CNR2: variants seen among roughly 807,000 people sequenced by gnomAD.
CNR2 encodes cannabinoid receptor 2 (macrophage).
For synonymous variants in CNR2, 172 were observed against 182.2 expected (o/e 0.94, Z 0.45); for missense variants, 379 against 439.9 (o/e 0.86, Z 1.24).
At chr1:23,908,065 C>T (rs576097248) in intron 1 of CNR2, among the ~76,000 whole-genome samples, 1 of 142,204 alleles carries the variant, frequency 7.0e-6, no homozygotes, top group Non-Finnish European at 1.5e-5. Flanking sequence ...ACTGCAACCT[C>T]CGGCTCTCTG....
chr1:23,904,994 C>T (rs142787020), intron 1 of CNR2, among the ~76,000 whole-genome samples: 7 of 152,064 alleles, frequency 4.6e-5, no homozygotes, highest in African/African-American at 1.4e-4. Flanking sequence ...TTGCATCAGT[C>T]GGGGGTTGAG....
chr1:23,885,177 A>T (rs988709722), intron 1 of CNR2, among the ~76,000 whole-genome samples: 1 of 151,504 alleles, frequency 6.6e-6, no homozygotes. Context: ...AAATGGGAGG[A>T]TCCCTTGAGC....
intron 1 of CNR2, among the ~76,000 whole-genome samples, chr1:23,901,044 T>TC (rs1185384314): frequency 1.3e-5 from 2 of 151,656 alleles, no homozygotes; most frequent in Non-Finnish European, 2.9e-5. Context: ...CTCTTTCTTT[T>TC]TTTAATTGTA....
chr1:23,880,120 A>T (rs919408324), intron 1 of CNR2, among the ~76,000 whole-genome samples: 4 of 151,276 alleles, frequency 2.6e-5, no homozygotes, highest in Non-Finnish European at 5.9e-5. Flanking sequence ...CCCAGATCTT[A>T]CTTTTTCAAT....
At chr1:23,899,651 C>G (rs1346830964) in intron 1 of CNR2, among the ~76,000 whole-genome samples, 1 of 148,534 alleles carries the variant, frequency 6.7e-6, no homozygotes, top group African/African-American at 2.5e-5. Flanking sequence ...TCCGCCTCCA[C>G]TAAAAATACA....
intron 1 of CNR2, among the ~76,000 whole-genome samples, chr1:23,880,195 T>TTTTTTTTTTTG (rs59735146): frequency 6.6e-6 from 1 of 150,666 alleles, no homozygotes; most frequent in African/African-American, 2.4e-5. Context: ...CTTTTTTTTT[T>TTTTTTTTTTTG]GAGACGGAGT....
At chr1:23,899,549 T>A (rs1292971110) in intron 1 of CNR2, among the ~76,000 whole-genome samples, 1 of 151,276 alleles carries the variant, frequency 6.6e-6, no homozygotes, top group African/African-American at 2.4e-5. Flanking sequence ...GGTGTGGTAG[T>A]TCACGCCTGT....
rs1639861682 is a variant in CNR2 at position 23,875,614 on chromosome 1, C to T, written c.4G>A (p.Glu2Lys). M[E>K]ECWVTEIANG... ...GCTATCTCTGTCACCCAGCATTCCT[C>T]CATGGGGTGGGCCCTTCAGATTCCA... Residue 2 changes from glutamate (E) to lysine (K), a missense_variant, in exon 2 of 2, where the codon GAG becomes AAG. Glu to Lys is a moderately conservative substitution (Grantham distance 56). Coordinates refer to ENST00000374472, the MANE Select transcript of CNR2 (RefSeq NM_001841.3). 6.3e-7 allele frequency: 1 copy of T among 1,597,420 alleles called. No individual in the cohort carries two copies. The highest frequency in any genetic ancestry group is 1.3e-5 in the African/African-American group (1 of 74,752).
chr1:23,882,323 T>G (rs982011847), intron 1 of CNR2, among the ~76,000 whole-genome samples: 2 of 152,076 alleles, frequency 1.3e-5, no homozygotes, highest in Non-Finnish European at 2.9e-5. Context: ...CTCAAACCTA[T>G]GATGACATTG....
chr1:23,905,740 C>T (rs527424718), intron 1 of CNR2, among the ~76,000 whole-genome samples: 1 of 152,208 alleles, frequency 6.6e-6, no homozygotes, highest in African/African-American at 2.4e-5. Context: ...CGAGGAACAG[C>T]CAGGGATAGG....
intron 1 of CNR2, among the ~76,000 whole-genome samples, chr1:23,879,393 T>C (rs1383030151): frequency 1.3e-5 from 2 of 151,754 alleles, no homozygotes; most frequent in African/African-American, 2.4e-5. Flanking sequence ...GGCAGGAGGA[T>C]TGCTTGAGCC....
At chr1:23,898,641 A>ATTTTTTT (rs71026701) in intron 1 of CNR2, among the ~76,000 whole-genome samples, 1 of 25,298 alleles carries the variant, frequency 4.0e-5, no homozygotes, top group African/African-American at 1.7e-4. Flanking sequence ...CGCCTGGCCA[A>ATTTTTTT]TTTTTTTTTT....
chr1:23,875,712 A>G, intron 1 of CNR2, 50 bp from the exon 2 acceptor site: 1 of 1,434,966 alleles, frequency 7.0e-7, no homozygotes, highest in Non-Finnish European at 9.4e-7. Flanking sequence ...AAGCACAAGA[A>G]TGACCTCACC....
At chr1:23,901,912 G>A in intron 1 of CNR2, 1 of 1,605,614 alleles carries the variant, frequency 6.2e-7, no homozygotes, top group African/African-American at 1.3e-5. Flanking sequence ...ACTGGAATAG[G>A]TGGCACCTCT....
rs557204112 is a variant in CNR2 at position 23,910,724 on chromosome 1, A to C, written c.-46+2522T>G. ...CAAAACAAAAAAACAAAAAACAAAA[A>C]ACAAGAGCCCCTTTGAGGCAGGTTG... On this transcript the variant is annotated intron_variant, in intron 1 of 1. Coordinates refer to ENST00000374472, the MANE Select transcript of CNR2 (RefSeq NM_001841.3). 5.9e-5 allele frequency among the ~76,000 whole-genome samples: 9 copies of C among 152,080 alleles called. No homozygotes were observed. The South Asian group carries it at 1.9e-3, about 32-fold the overall frequency.
At chr1:23,912,198 A>G (rs1172706747) in intron 1 of CNR2, among the ~76,000 whole-genome samples, 4 of 152,186 alleles carry the variant, frequency 2.6e-5, no homozygotes, top group Admixed American at 2.6e-4. Context: ...TCGAGCTACC[A>G]GTGGCAGAGC....
intron 1 of CNR2, among the ~76,000 whole-genome samples, chr1:23,886,017 G>A (rs1000549245): frequency 2.0e-5 from 3 of 151,030 alleles, no homozygotes; most frequent in Admixed American, 6.6e-5. Context: ...GTGAAACACC[G>A]TCTCTACTAA....
At chr1:23,890,273 A>AAG (rs1435307831) in intron 1 of CNR2, among the ~76,000 whole-genome samples, 11 of 136,176 alleles carry the variant, frequency 8.1e-5, no homozygotes, top group Non-Finnish European at 1.5e-4. Flanking sequence ...AAAAAAAAAA[A>AAG]AGAAAAGAAA....
At chr1:23,877,468 T>G (rs1639905205) in intron 1 of CNR2, among the ~76,000 whole-genome samples, 1 of 151,904 alleles carries the variant, frequency 6.6e-6, no homozygotes, top group African/African-American at 2.4e-5. Flanking sequence ...ACCTCGTCTC[T>G]ACTAAAAATA....
Sources: allele counts gnomAD v4.1 joint callset (sites outside exome capture counted in the v4.1 genomes callset), GRCh38; gene constraint gnomAD v4.1.1; transcripts MANE v1.5; gene names NCBI Gene and HGNC (gene_info 2026-07-23, HGNC 2026-07-21).